Variants in TRIM66 observed in about 807,000 individuals in gnomAD.
TRIM66 encodes the protein tripartite motif-containing protein 66.
TRIM66 carries 99 observed loss-of-function variants against 148.2 expected under a neutral mutation model. The observed-to-expected ratio is 0.67, with a 90% CI of 0.57 to 0.79. TRIM66 has a LOEUF of 0.79. TRIM66 is among the 30% of genes least tolerant of loss of function. The pLI, the probability that TRIM66 is intolerant of heterozygous loss-of-function variation, is 0.00. For synonymous variants in TRIM66, 616 were observed against 635.9 expected (o/e 0.97, Z 0.47); for missense variants, 1,666 against 1,697.9 (o/e 0.98, Z 0.33).
chr11:8,639,448 C>T (rs2036178367), intron 14 of TRIM66, among the ~76,000 whole-genome samples: 1 of 152,108 alleles, frequency 6.6e-6, no homozygotes, highest in Non-Finnish European at 1.5e-5. Flanking sequence ...CAAACTGCAC[C>T]TCTTCAACTG....
At chr11:8,675,895 C>CAG (rs2039155495) in intron 3 of TRIM66, among the ~76,000 whole-genome samples, 2 of 152,108 alleles carry the variant, frequency 1.3e-5, no homozygotes, top group Admixed American at 1.3e-4. Flanking sequence ...TGCACCACTA[C>CAG]GCCCAGCTAA....
chr11:8,677,845 A>T (rs2039248736), intron 3 of TRIM66, among the ~76,000 whole-genome samples: 1 of 152,188 alleles, frequency 6.6e-6, no homozygotes, highest in African/African-American at 2.4e-5. Flanking sequence ...TAGGAATGTA[A>T]TTGCCATGTA....
intron 4 of TRIM66, among the ~76,000 whole-genome samples, chr11:8,672,786 C>A (rs2039000767): frequency 6.6e-6 from 1 of 151,868 alleles, no homozygotes; most frequent in African/African-American, 2.4e-5. Context: ...TGTATGCCAC[C>A]ACATGCGGCT....
intron 6 of TRIM66, among the ~76,000 whole-genome samples, chr11:8,666,247 G>A (rs2038584090): frequency 6.7e-6 from 1 of 148,468 alleles, no homozygotes; most frequent in Non-Finnish European, 1.5e-5. Context: ...GCTGAGAGAG[G>A]AGAATCGCTT....
intron 22 of TRIM66, among the ~76,000 whole-genome samples, chr11:8,619,775 C>T (rs1226993294): frequency 1.3e-5 from 2 of 152,180 alleles, no homozygotes; most frequent in Non-Finnish European, 1.5e-5. Context: ...GTGGGGGAGG[C>T]TGGAATGGCC....
intron 24 of TRIM66, among the ~76,000 whole-genome samples, chr11:8,618,396 G>A (rs923404324): frequency 1.8e-4 from 28 of 152,186 alleles, no homozygotes; most frequent in African/African-American, 5.8e-4. Flanking sequence ...ATAGAAACCA[G>A]GCACTAAGAC....
intron 15 of TRIM66, among the ~76,000 whole-genome samples, chr11:8,626,578 T>A (rs1173680047): frequency 6.6e-6 from 1 of 152,164 alleles, no homozygotes; most frequent in Admixed American, 6.5e-5. Context: ...ATCTCTCAAA[T>A]ATACCCACTA....
chr11:8,641,182 A>G, intron 13 of TRIM66, 30 bp from the exon 14 acceptor site: 1 of 1,518,548 alleles, frequency 6.6e-7, no homozygotes, highest in Non-Finnish European at 8.9e-7. Context: ...AGTTTTTCAA[A>G]AGTTTTTCAA....
rs1429240020 is a variant in TRIM66, at chr11:8,640,859, G to A, written c.1516C>T (p.Leu506=). The A allele has an allele frequency of 2.6e-6, 4 of 1,550,332 alleles. No individual in the cohort carries two copies. In the Admixed American group the frequency reaches 7.8e-5, roughly 30 times the overall value. ...PEMVPQQLGS[L]QCSALLPREK... is the part of the protein sequence containing the mutation. ...CTGGGCAGCAGGGCAGAGCACTGCA[G>A]AGACCCCAGCTGCTGGGGCACCATC... Residue 506 remains leucine (L), a synonymous_variant, in exon 14 of 25, where the codon CTG becomes TTG. Coordinates refer to ENST00000646038, the MANE Select transcript of TRIM66 (RefSeq NM_001388022.1).
chr11:8,622,669 C>A (rs996918231), intron 18 of TRIM66, 147 bp downstream of exon 18: 1 of 716,272 alleles, frequency 1.4e-6, no homozygotes, highest in Non-Finnish European at 2.4e-6. Flanking sequence ...TCCCAGACAT[C>A]CACTTGAAGG....
intron 16 of TRIM66, 32 bp from the exon 17 acceptor site, chr11:8,624,583 A>G: frequency 1.3e-6 from 2 of 1,513,226 alleles, no homozygotes; most frequent in Non-Finnish European, 1.8e-6. Context: ...CAAGAATCAA[A>G]GAACTCAGAC....
chr11:8,657,749 C>T (rs2037956273), intron 6 of TRIM66, among the ~76,000 whole-genome samples: 1 of 152,196 alleles, frequency 6.6e-6, no homozygotes, highest in African/African-American at 2.4e-5. Context: ...CCCCTGAAGG[C>T]TTCCTCCAAC....
intron 9 of TRIM66, 62 bp from the exon 10 acceptor site, chr11:8,648,148 A>C (rs190651610): frequency 1.4e-6 from 2 of 1,385,204 alleles, no homozygotes; most frequent in Admixed American, 3.9e-5. Flanking sequence ...CATGCCAACC[A>C]AGCGGGAATC....
intron 4 of TRIM66, among the ~76,000 whole-genome samples, chr11:8,673,375 A>G (rs1235948446): frequency 1.3e-5 from 2 of 152,208 alleles, no homozygotes. Flanking sequence ...ATCTACCACA[A>G]TATGATTTTG....
At position 8,638,865 on chromosome 11, in the gene TRIM66, C is replaced by G. The variant is rs766740374; in HGVS notation, c.2149-50G>C. ...GTGGGTTTTACTGCAGACAGCGTAG[C>G]AGCAGCAGCAGTGGCAGCAAAGGCT... is the stretch of plus-strand genomic sequence containing the variant. On this transcript the variant is annotated intron_variant, in intron 14 of 24. Coordinates refer to ENST00000646038, the MANE Select transcript of TRIM66 (RefSeq NM_001388022.1). The G allele has an allele frequency of 2.0e-6, 3 of 1,502,722 alleles. No individual in the cohort carries two copies. In the South Asian group the frequency reaches 3.8e-5, roughly 19 times the overall value. The allele number at this position is 1,502,722 out of a possible 1,614,324, so 93.1% of individuals were successfully genotyped here. A position where few individuals can be genotyped will look rare whatever the true frequency, so the allele number is the denominator to read the frequency against.
In TRIM66 at chr11:8,671,809, T is replaced by A; in HGVS notation, c.317A>T (p.Lys106Met). 6.8e-7 allele frequency: 1 copy of A among 1,476,010 alleles called. No homozygotes were observed. The highest frequency in any genetic ancestry group is 9.2e-7 in the Non-Finnish European group (1 of 1,091,934). 91.4% of individuals were successfully genotyped at this position (1,476,010 alleles called of 1,614,324 possible). Residue 106 changes from lysine to methionine, a missense_variant, in exon 6 of 25, where the codon AAG becomes ATG. Transcript: ENST00000646038. ...GLIQELGQIA[K>M]AHETVADELI... ...ACCATCTGCAACAGTCTCATGAGCC[T>A]TGGCAATCTGCCCTAGCTCCTGTAT... is the stretch of plus-strand genomic sequence containing the variant.
rs191277056 is a variant in TRIM66 at position 8,678,163 on chromosome 11, A to G, written c.-190+1457T>C. 4.9e-4 allele frequency: 74 copies of G among 152,356 alleles called. No individual in the cohort carries two copies. In the East Asian group the frequency reaches 0.014, roughly 29 times the overall value. The allele number at this position is 152,356 out of a possible 1,614,324, so 9.4% of individuals were successfully genotyped here. A position where few individuals can be genotyped will look rare whatever the true frequency, so the allele number is the denominator to read the frequency against. On this transcript the variant is annotated intron_variant, in intron 3 of 24. Transcript: ENST00000646038. Reference sequence around the variant, plus strand: ...TAATCCAGCAGTCTCACTTCTGGGAATTTATCCTAGACAAGTTATTCAACA... The same window carrying G: ...TAATCCAGCAGTCTCACTTCTGGGAGTTTATCCTAGACAAGTTATTCAACA...
intron 15 of TRIM66, among the ~76,000 whole-genome samples, chr11:8,637,171 C>T (rs1232594585): frequency 6.6e-6 from 1 of 152,186 alleles, no homozygotes; most frequent in African/African-American, 2.4e-5. Flanking sequence ...TAGCACTTTA[C>T]CACAATTTAT....
At chr11:8,623,626 C>T (rs771624536) in intron 17 of TRIM66, among the ~76,000 whole-genome samples, 4 of 152,048 alleles carry the variant, frequency 2.6e-5, no homozygotes, top group Admixed American at 6.5e-5. Context: ...ATACATTGAA[C>T]GAAAAAAGTC....
Sources: gnomAD v4.1 joint callset for allele counts (sites outside exome capture counted in the v4.1 genomes callset) on GRCh38, gnomAD v4.1.1 for gene constraint, MANE v1.5 for transcripts, NCBI Gene and HGNC (gene_info 2026-07-23, HGNC 2026-07-21) for gene names.